Variants in NFIA observed in about 807,000 individuals in gnomAD.
The protein encoded by NFIA is nuclear factor 1 A-type.
Under a neutral mutation model 62.8 loss-of-function variants are expected in NFIA, and 8 were observed. That is an observed-to-expected ratio of 0.13 (90% CI 0.07 to 0.23). NFIA has a LOEUF of 0.23. NFIA is among the 10% of genes least tolerant of loss of function. The probability of loss-of-function intolerance (pLI) is 1.00; values close to 1 mark genes in which losing one functional copy is unlikely to be tolerated. For synonymous variants in NFIA, 235 were observed against 238.1 expected (o/e 0.99, Z 0.12); for missense variants, 410 against 642.1 (o/e 0.64, Z 3.91).
At chr1:61,455,239 A>G in intron 10 of NFIA, 64 bp from the exon 11 acceptor site, 1 of 1,590,674 alleles carries the variant, frequency 6.3e-7, no homozygotes, top group Non-Finnish European at 8.6e-7. Flanking sequence ...TTGAAAAGGC[A>G]ACTTCTAAAA....
At chr1:61,344,335 A>G (rs759233284) in intron 4 of NFIA, among the ~76,000 whole-genome samples, 2 of 152,216 alleles carry the variant, frequency 1.3e-5, no homozygotes. Flanking sequence ...ATGCAAAACA[A>G]CACTAAATTG....
intron 3 of NFIA, among the ~76,000 whole-genome samples, chr1:61,317,676 A>T (rs935023087): frequency 6.6e-6 from 1 of 152,064 alleles, no homozygotes; most frequent in Non-Finnish European, 1.5e-5. Flanking sequence ...TTTGATTTTT[A>T]TAGACAACTT....
intron 2 of NFIA, among the ~76,000 whole-genome samples, chr1:61,233,026 C>G (rs1319791762): frequency 6.6e-6 from 1 of 152,058 alleles, no homozygotes; most frequent in Non-Finnish European, 1.5e-5. Flanking sequence ...ATTCTAAGCT[C>G]CTAGAGTGTG....
At chr1:61,303,780 C>T (rs952716656) in intron 3 of NFIA, among the ~76,000 whole-genome samples, 1 of 152,212 alleles carries the variant, frequency 6.6e-6, no homozygotes, top group East Asian at 1.9e-4. Flanking sequence ...GCCAGTGCCA[C>T]TGGTCCAGGG....
Position 61,455,471 on chromosome 1 carries a change from G to C in NFIA, c.*151G>C. On this transcript the variant is annotated 3_prime_UTR_variant, in exon 11 of 11. Coordinates refer to ENST00000403491, the MANE Select transcript of NFIA (RefSeq NM_001134673.4). ...TCAAATCAACTTGTACATGGAAACA[G>C]CAAGCATTATGGTCAAACAGCAAAG... The C allele has an allele frequency of 7.7e-7, 1 of 1,297,138 alleles. No individual in the cohort carries two copies. The highest frequency in any genetic ancestry group is 1.1e-6 in the Non-Finnish European group (1 of 913,534). 80.4% of individuals were successfully genotyped at this position (1,297,138 alleles called of 1,614,324 possible). A position where few individuals can be genotyped will look rare whatever the true frequency, so the allele number is the denominator to read the frequency against.
chr1:61,332,506 C>A lies in NFIA; in HGVS notation c.626-6C>A. The A allele has an allele frequency of 1.7e-5, 28 of 1,613,402 alleles. No individual in the cohort carries two copies. The highest frequency in any genetic ancestry group is 2.3e-5 in the Non-Finnish European group (27 of 1,179,572). On this transcript the variant is annotated splice_region_variant and splice_polypyrimidine_tract_variant and intron_variant, in intron 3 of 10. Coordinates refer to ENST00000403491, the MANE Select transcript of NFIA (RefSeq NM_001134673.4). Reference sequence around the variant, plus strand: ...ACTTTGTTTTCTTTTGTTTTTGTTTCCCCAGGACATTTGGGCTTCCAGGAC... The same window carrying A: ...ACTTTGTTTTCTTTTGTTTTTGTTTACCCAGGACATTTGGGCTTCCAGGAC...
At position 61,374,016 on chromosome 1, in the gene NFIA, G is replaced by T. The variant is rs182611049; in HGVS notation, c.947-9221G>T. Among the ~76,000 whole-genome samples the T allele has an allele frequency of 1.5e-3, 229 of 152,228 alleles. 1 individual carries two copies. The highest frequency in any genetic ancestry group is 2.6e-3 in the Non-Finnish European group (174 of 68,008). Reference sequence around the variant, plus strand: ...ATGGCTACTAAGCCCTTGCAATGTGGCTATGCTGAGCAACTTAATTTTTAA... The same window carrying T: ...ATGGCTACTAAGCCCTTGCAATGTGTCTATGCTGAGCAACTTAATTTTTAA... On this transcript the variant is annotated intron_variant, in intron 6 of 10. Coordinates refer to ENST00000403491, the MANE Select transcript of NFIA (RefSeq NM_001134673.4).
intron 2 of NFIA, among the ~76,000 whole-genome samples, chr1:61,252,655 C>A (rs1030929422): frequency 6.6e-6 from 1 of 152,106 alleles, no homozygotes; most frequent in Non-Finnish European, 1.5e-5. Context: ...ATTATAGATA[C>A]GCATTATATA....
chr1:61,452,573 C>T (rs919146022), intron 10 of NFIA, among the ~76,000 whole-genome samples: 5 of 152,104 alleles, frequency 3.3e-5, no homozygotes, highest in Non-Finnish European at 5.9e-5. Flanking sequence ...ATTGACACCC[C>T]ACCACAGGGC....
At chr1:61,236,157 TA>T (rs796914311) in intron 2 of NFIA, among the ~76,000 whole-genome samples, 2,394 of 137,958 alleles carry the variant, frequency 0.017, 31 homozygotes, top group African/African-American at 0.042. Flanking sequence ...AAGTCCATCT[TA>T]AAAAAAAAAA....
intron 2 of NFIA, among the ~76,000 whole-genome samples, chr1:61,104,669 A>G (rs566792059): frequency 6.6e-6 from 1 of 152,114 alleles, no homozygotes; most frequent in East Asian, 1.9e-4. Flanking sequence ...ACTTTCCCAT[A>G]AAGTGTTTCT....
At chr1:61,168,009 T>A (rs1398993157) in intron 2 of NFIA, among the ~76,000 whole-genome samples, 1 of 152,188 alleles carries the variant, frequency 6.6e-6, no homozygotes, top group Non-Finnish European at 1.5e-5. Context: ...ACATGATGGA[T>A]CAGATAAAGG....
At chr1:61,085,642 T>C (rs2100409755) in intron 1 of NFIA, among the ~76,000 whole-genome samples, 1 of 152,294 alleles carries the variant, frequency 6.6e-6, no homozygotes, top group African/African-American at 2.4e-5. Flanking sequence ...TTAGTTTTGA[T>C]ATTCTGGAAT....
intron 7 of NFIA, among the ~76,000 whole-genome samples, chr1:61,387,468 CTTTTTTTT>C (rs33965994): frequency 1.3e-3 from 120 of 95,480 alleles, no homozygotes; most frequent in African/African-American, 4.8e-3. Context: ...CAAGCACTTT[CTTTTTTTT>C]TTTTTTTTTT....
At chr1:61,422,953 T>C (rs74089351) in intron 9 of NFIA, among the ~76,000 whole-genome samples, 1 of 152,186 alleles carries the variant, frequency 6.6e-6, no homozygotes, top group African/African-American at 2.4e-5. Context: ...CGGTATTGTC[T>C]AAGTGAAGGA....
chr1:61,085,473 A>G (rs763374498), intron 1 of NFIA, among the ~76,000 whole-genome samples: 2 of 152,130 alleles, frequency 1.3e-5, no homozygotes, highest in Non-Finnish European at 2.9e-5. Flanking sequence ...CACTGAGTAC[A>G]TATGTAAAAC....
chr1:61,087,169 A>G (rs1041892100), intron 1 of NFIA, among the ~76,000 whole-genome samples: 1 of 151,182 alleles, frequency 6.6e-6, no homozygotes, highest in Non-Finnish European at 1.5e-5. Flanking sequence ...TTGAAACTCA[A>G]TTTTTTTTTC....
intron 3 of NFIA, among the ~76,000 whole-genome samples, chr1:61,288,695 C>T (rs1658667158): frequency 6.6e-6 from 1 of 152,070 alleles, no homozygotes; most frequent in Non-Finnish European, 1.5e-5. Flanking sequence ...GGGGACAGAG[C>T]AAGAGTAGAT....
chr1:61,434,271 C>T (rs994409972), intron 10 of NFIA, among the ~76,000 whole-genome samples: 9 of 152,240 alleles, frequency 5.9e-5, no homozygotes, highest in Admixed American at 1.3e-4. Flanking sequence ...CGTATGTTCT[C>T]AGCTCCAGTA....
Sources: allele counts gnomAD v4.1 joint callset (sites outside exome capture counted in the v4.1 genomes callset), GRCh38; gene constraint gnomAD v4.1.1; transcripts MANE v1.5; gene names NCBI Gene and HGNC (gene_info 2026-07-23, HGNC 2026-07-21).